Variants in TLK1 observed in about 807,000 individuals in gnomAD.
TLK1 encodes the protein serine/threonine-protein kinase tousled-like 1.
In TLK1, 24 loss-of-function variants were observed where a neutral mutation model predicts 105.3. The observed-to-expected ratio is 0.23, with a 90% CI of 0.17 to 0.32. The LOEUF (loss-of-function observed/expected upper bound fraction) is 0.32. TLK1 is among the 10% of genes least tolerant of loss of function. The pLI, the probability that TLK1 is intolerant of heterozygous loss-of-function variation, is 1.00. For synonymous variants in TLK1, 321 were observed against 310.4 expected (o/e 1.03, Z -0.36); for missense variants, 558 against 910.5 (o/e 0.61, Z 4.98).
At chr2:171,004,915 A>C (rs1017858792) in intron 18 of TLK1, among the ~76,000 whole-genome samples, 3 of 152,242 alleles carry the variant, frequency 2.0e-5, no homozygotes, top group Admixed American at 6.5e-5. Flanking sequence ...CCATGTTCCT[A>C]GGAAATGCCA....
At chr2:171,107,876 T>C (rs1241448759) in intron 2 of TLK1, among the ~76,000 whole-genome samples, 1 of 151,784 alleles carries the variant, frequency 6.6e-6, no homozygotes, top group Non-Finnish European at 1.5e-5. Flanking sequence ...CTGGGCAACA[T>C]GGTGAGACTC....
intron 2 of TLK1, among the ~76,000 whole-genome samples, chr2:171,106,499 A>G (rs2105512864): frequency 6.6e-6 from 1 of 152,298 alleles, no homozygotes; most frequent in Non-Finnish European, 1.5e-5. Flanking sequence ...AAGCAGAAAA[A>G]CAAAAAATGA....
At chr2:171,194,912 T>C (rs527578911) in intron 1 of TLK1, among the ~76,000 whole-genome samples, 2 of 151,926 alleles carry the variant, frequency 1.3e-5, no homozygotes, top group Non-Finnish European at 1.5e-5. Flanking sequence ...AGAGGGAGGA[T>C]TGAAACACAA....
At chr2:171,102,542 G>A (rs1689735406) in intron 2 of TLK1, among the ~76,000 whole-genome samples, 3 of 152,230 alleles carry the variant, frequency 2.0e-5, no homozygotes, top group African/African-American at 7.2e-5. Flanking sequence ...ATAAACAGGC[G>A]AAACAGGCTT....
intron 3 of TLK1, chr2:171,067,071 T>G: frequency 8.2e-7 from 1 of 1,221,018 alleles, no homozygotes; most frequent in South Asian, 1.7e-5. Flanking sequence ...AACATTCCTT[T>G]GAACACGAAT....
At chr2:171,045,618 CT>C (rs980894197) in intron 11 of TLK1, 1 of 152,050 alleles carries the variant, frequency 6.6e-6, no homozygotes, top group African/African-American at 2.4e-5. Context: ...ATGGTGTTCT[CT>C]GTGAAATGGG....
intron 2 of TLK1, among the ~76,000 whole-genome samples, chr2:171,094,634 G>GT (rs1399664475): frequency 1.3e-5 from 2 of 152,120 alleles, no homozygotes; most frequent in African/African-American, 4.8e-5. Context: ...CCGAGACAGA[G>GT]TTTTGCTCTT....
intron 1 of TLK1, among the ~76,000 whole-genome samples, chr2:171,228,299 A>AT (rs1381501633): frequency 1.3e-5 from 2 of 152,260 alleles, no homozygotes; most frequent in Non-Finnish European, 2.9e-5. Context: ...CATGCCTGTA[A>AT]TCCCAGCTAC....
chr2:171,022,086 A>ACAC (rs1553605633), intron 12 of TLK1, among the ~76,000 whole-genome samples: 5,554 of 103,034 alleles, frequency 0.054, 156 homozygotes, highest in Non-Finnish European at 0.084. Context: ...CTGGGCGAAA[A>ACAC]ACACACACAC....
upstream of TLK1, among the ~76,000 whole-genome samples, chr2:171,165,224 A>G (rs1051041055): frequency 6.6e-6 from 1 of 152,228 alleles, no homozygotes; most frequent in Admixed American, 6.5e-5. Context: ...AGAATCAGGA[A>G]GAGACTAGAG....
chr2:171,142,260 G>A (rs1691608525), intron 1 of TLK1, among the ~76,000 whole-genome samples: 1 of 152,006 alleles, frequency 6.6e-6, no homozygotes, highest in South Asian at 2.1e-4. Context: ...AGTTCAAACA[G>A]GATAAACAGA....
At chr2:171,126,867 T>C (rs1690887195) in intron 1 of TLK1, among the ~76,000 whole-genome samples, 1 of 151,832 alleles carries the variant, frequency 6.6e-6, no homozygotes, top group South Asian at 2.1e-4. Context: ...GTTCCTTTTA[T>C]TAAAAATAAA....
At chr2:171,179,476 T>C (rs938921396) in intron 1 of TLK1, among the ~76,000 whole-genome samples, 1 of 152,210 alleles carries the variant, frequency 6.6e-6, no homozygotes, top group African/African-American at 2.4e-5. Flanking sequence ...TGAAACATGA[T>C]AGGCTCTTTA....
intron 12 of TLK1, among the ~76,000 whole-genome samples, chr2:171,024,484 C>A (rs569327132): frequency 2.6e-5 from 4 of 152,068 alleles, no homozygotes; most frequent in African/African-American, 7.2e-5. Context: ...TGAAATAGCA[C>A]GTTCATCCCG....
At chr2:171,027,080 TC>T (rs1030560220) in intron 12 of TLK1, among the ~76,000 whole-genome samples, 1 of 152,276 alleles carries the variant, frequency 6.6e-6, no homozygotes, top group Non-Finnish European at 1.5e-5. Flanking sequence ...AATTTTCTAT[TC>T]CCTATAAATG....
intron 1 of TLK1, among the ~76,000 whole-genome samples, chr2:171,129,630 G>A (rs1691012025): frequency 6.6e-6 from 1 of 152,022 alleles, no homozygotes; most frequent in Admixed American, 6.6e-5. Context: ...TTTGTGCCCA[G>A]GAGTTCGAGA....
chr2:171,175,870 C>G (rs1476732735), intron 1 of TLK1, among the ~76,000 whole-genome samples: 1 of 152,120 alleles, frequency 6.6e-6, no homozygotes, highest in Non-Finnish European at 1.5e-5. Context: ...ATACCAAATC[C>G]AGGCCCCTTT....
chr2:171,051,106 C>A (rs1286914681), intron 8 of TLK1, among the ~76,000 whole-genome samples: 2 of 152,144 alleles, frequency 1.3e-5, no homozygotes, highest in Non-Finnish European at 2.9e-5. Context: ...CCAATAGACC[C>A]TCAGCAATTC....
At chr2:171,142,029 A>T (rs1691597583) in intron 1 of TLK1, among the ~76,000 whole-genome samples, 1 of 152,186 alleles carries the variant, frequency 6.6e-6, no homozygotes, top group Admixed American at 6.5e-5. Context: ...ATGTACAGTT[A>T]ATGTTTTCTA....
Sources: allele counts gnomAD v4.1 joint callset (sites outside exome capture counted in the v4.1 genomes callset), GRCh38; gene constraint gnomAD v4.1.1; transcripts MANE v1.5; gene names NCBI Gene and HGNC (gene_info 2026-07-23, HGNC 2026-07-21).